Variants in SRSF12 observed in about 807,000 individuals in gnomAD.
The protein encoded by SRSF12 is serine/arginine-rich splicing factor 12.
Under a neutral mutation model 34.1 loss-of-function variants are expected in SRSF12, and 21 were observed. That is an observed-to-expected ratio of 0.62 (90% CI 0.44 to 0.89). SRSF12 has a LOEUF of 0.89. SRSF12 is among the 40% of genes least tolerant of loss of function. The pLI is 0.00. For missense variants in SRSF12, 278 were observed against 327.8 expected, an observed-to-expected ratio of 0.85 and a Z score of 1.17; for synonymous variants, 111 against 110.8, an observed-to-expected ratio of 1.00 and a Z score of -0.01.
At chr6:89,101,169 C>CTT (rs1222880715) in intron 4 of SRSF12, among the ~76,000 whole-genome samples, 1 of 149,642 alleles carries the variant, frequency 6.7e-6, no homozygotes, top group East Asian at 1.9e-4. Context: ...AAACATCCTA[C>CTT]CGAAATACAG....
chr6:89,105,599 A>G (rs1768746194), intron 2 of SRSF12, 69 bp from the exon 3 acceptor site: 2 of 1,130,502 alleles, frequency 1.8e-6, no homozygotes, highest in African/African-American at 3.2e-5. Context: ...CATTATTTAC[A>G]TGTGAAATGA....
chr6:89,101,986 G>A (rs1049330058), intron 4 of SRSF12, among the ~76,000 whole-genome samples: 1 of 151,034 alleles, frequency 6.6e-6, no homozygotes, highest in Non-Finnish European at 1.5e-5. Flanking sequence ...CACTGCCCTG[G>A]TACTTCTCGG....
chr6:89,101,629 C>T (rs961913878), intron 4 of SRSF12, among the ~76,000 whole-genome samples: 1 of 151,728 alleles, frequency 6.6e-6, no homozygotes, highest in Non-Finnish European at 1.5e-5. Context: ...ATCTGGGAGG[C>T]GGAGGTTGTA....
chr6:89,111,746 G>C (rs796753864), intron 1 of SRSF12, among the ~76,000 whole-genome samples: 28 of 152,220 alleles, frequency 1.8e-4, no homozygotes, highest in African/African-American at 6.5e-4. Flanking sequence ...TCATCATTAA[G>C]TATGATGTTA....
intron 1 of SRSF12, among the ~76,000 whole-genome samples, chr6:89,114,202 C>T (rs758860278): frequency 2.6e-5 from 4 of 152,072 alleles, no homozygotes; most frequent in Non-Finnish European, 4.4e-5. Flanking sequence ...CCAAGGTGGG[C>T]GGATTACCTG....
rs1165567084 is a variant in SRSF12 at position 89,098,520 on chromosome 6, C to T, written c.*58G>A. 2.6e-6 allele frequency: 4 copies of T among 1,511,946 alleles called. No homozygotes were observed. The African/African-American group carries it at 4.2e-5, about 16-fold the overall frequency. The allele number at this position is 1,511,946 out of a possible 1,614,324, so 93.7% of individuals were successfully genotyped here. A position where few individuals can be genotyped will look rare whatever the true frequency, so the allele number is the denominator to read the frequency against. ...TATGCCTTAAAGAATTTTTATTTAA[C>T]ATAATGAGAGTTTAATAACTTATAT... is the stretch of plus-strand genomic sequence containing the variant. On this transcript the variant is annotated 3_prime_UTR_variant, in exon 5 of 5. Coordinates refer to ENST00000452027, the MANE Select transcript of SRSF12 (RefSeq NM_080743.5).
At chr6:89,105,589 C>T (rs1768745607) in intron 2 of SRSF12, 59 bp from the exon 3 acceptor site, 1 of 1,209,118 alleles carries the variant, frequency 8.3e-7, no homozygotes, top group Non-Finnish European at 1.1e-6. Flanking sequence ...ATTTTAAAAG[C>T]ATTATTTACA....
intron 1 of SRSF12, among the ~76,000 whole-genome samples, chr6:89,109,574 T>TA (rs1224209930): frequency 6.6e-6 from 1 of 151,986 alleles, no homozygotes. Flanking sequence ...ATAGATAATA[T>TA]AAAAGAGGAG....
intron 1 of SRSF12, among the ~76,000 whole-genome samples, chr6:89,111,099 TGA>T: frequency 6.7e-6 from 1 of 149,182 alleles, no homozygotes; most frequent in South Asian, 2.1e-4. Flanking sequence ...GAAGACAGGG[TGA>T]GACTTGTCTT....
intron 1 of SRSF12, among the ~76,000 whole-genome samples, 188 bp downstream of exon 1, chr6:89,117,635 G>C (rs980223920): frequency 6.6e-6 from 1 of 152,120 alleles, no homozygotes; most frequent in Non-Finnish European, 1.5e-5. Context: ...GGAGGGCGGA[G>C]GCGCGAGTTC....
At chr6:89,110,514 C>G (rs1768996376) in intron 1 of SRSF12, among the ~76,000 whole-genome samples, 1 of 152,140 alleles carries the variant, frequency 6.6e-6, no homozygotes, top group Admixed American at 6.5e-5. Flanking sequence ...TGGCCTGGGA[C>G]CAGTCTGATT....
chr6:89,101,109 C>CAA (rs764910655), intron 4 of SRSF12, among the ~76,000 whole-genome samples: 10 of 54,636 alleles, frequency 1.8e-4, no homozygotes, highest in African/African-American at 4.4e-4. Flanking sequence ...ACCTCCAAGA[C>CAA]AAAAAAAAAA....
intron 1 of SRSF12, among the ~76,000 whole-genome samples, chr6:89,109,036 T>C (rs1183666545): frequency 6.6e-6 from 1 of 152,156 alleles, no homozygotes; most frequent in Non-Finnish European, 1.5e-5. Context: ...CAAATACTTA[T>C]TGAGCACCTA....
intron 1 of SRSF12, among the ~76,000 whole-genome samples, chr6:89,107,881 A>C (rs1418494703): frequency 6.6e-6 from 1 of 152,210 alleles, no homozygotes; most frequent in Non-Finnish European, 1.5e-5. Context: ...ATTTCCAGAA[A>C]CACTGACCCA....
chr6:89,103,658 C>G (rs1768641947), intron 4 of SRSF12, among the ~76,000 whole-genome samples: 1 of 151,996 alleles, frequency 6.6e-6, no homozygotes. Flanking sequence ...CAGGATTTCA[C>G]CATATTGCTC....
chr6:89,117,707 G>C, intron 1 of SRSF12, 116 bp downstream of exon 1: 1 of 1,061,488 alleles, frequency 9.4e-7, no homozygotes, highest in Non-Finnish European at 1.3e-6. Context: ...GCCTGGGCCC[G>C]CGGGGAGGCT....
intron 1 of SRSF12, among the ~76,000 whole-genome samples, chr6:89,116,553 T>A (rs1199975119): frequency 1.3e-5 from 2 of 152,138 alleles, no homozygotes; most frequent in African/African-American, 4.8e-5. Flanking sequence ...GCTGGGCGGA[T>A]CACTTGAGGT....
intron 1 of SRSF12, among the ~76,000 whole-genome samples, chr6:89,107,665 G>C (rs1466499143): frequency 6.6e-6 from 1 of 152,080 alleles, no homozygotes; most frequent in East Asian, 1.9e-4. Flanking sequence ...AGCATGGGGA[G>C]GTTGAGGCTG....
chr6:89,100,942 T>G (rs1768510318), intron 4 of SRSF12, among the ~76,000 whole-genome samples: 1 of 151,766 alleles, frequency 6.6e-6, no homozygotes, highest in Non-Finnish European at 1.5e-5. Flanking sequence ...CCATCTCTAC[T>G]AAAAATACAA....
Sources: gnomAD v4.1 joint callset for allele counts (sites outside exome capture counted in the v4.1 genomes callset) on GRCh38, gnomAD v4.1.1 for gene constraint, MANE v1.5 for transcripts, NCBI Gene and HGNC (gene_info 2026-07-23, HGNC 2026-07-21) for gene names.